Variants in ABCB8 observed in about 807,000 individuals in gnomAD.
The protein encoded by ABCB8 is mitochondrial potassium channel ATP-binding subunit.
A neutral mutation model predicts 73.0 loss-of-function variants in ABCB8; 52 were observed. The observed-to-expected ratio is 0.71, with a 90% CI of 0.57 to 0.90. The LOEUF (loss-of-function observed/expected upper bound fraction) is 0.90. Among genes scored for constraint, ABCB8 ranks in the 40% least tolerant of loss-of-function variants. The probability of loss-of-function intolerance (pLI) is 0.00; values close to 1 mark genes in which losing one functional copy is unlikely to be tolerated. For missense variants in ABCB8, 909 were observed against 974.6 expected, an observed-to-expected ratio of 0.93 and a Z score of 0.90; for synonymous variants, 428 against 423.5, an observed-to-expected ratio of 1.01 and a Z score of -0.13.
Position 151,031,217 on chromosome 7 carries a change from A to G in ABCB8, c.96-2388A>G, listed in dbSNP as rs529351904. 189 of 1,426,270 alleles carry G rather than the reference A, an allele frequency of 1.3e-4. No individual in the cohort carries two copies. The South Asian group carries it at 2.2e-3, about 17-fold the overall frequency. The allele number at this position is 1,426,270 out of a possible 1,614,324, so 88.4% of individuals were successfully genotyped here. Reference sequence around the variant, plus strand: ...TACCGGAGTTCTGCCAGTGCTGTCTAAGATATAATTTCCTGCCTTTCAGAA... The same window carrying G: ...TACCGGAGTTCTGCCAGTGCTGTCTGAGATATAATTTCCTGCCTTTCAGAA... On this transcript the variant is annotated intron_variant, in intron 1 of 15. Coordinates refer to ENST00000358849, the MANE Select transcript of ABCB8 (RefSeq NM_007188.5).
At chr7:151,033,983 T>A in intron 2 of ABCB8, 66 bp downstream of exon 2, 1 of 1,492,020 alleles carries the variant, frequency 6.7e-7, no homozygotes, top group Non-Finnish European at 8.9e-7. Context: ...AGGGATGGCA[T>A]TCCTGCCTCG....
At chr7:151,045,153 G>T in intron 15 of ABCB8, 56 bp from the exon 16 acceptor site, 2 of 1,483,108 alleles carry the variant, frequency 1.3e-6, no homozygotes, top group Non-Finnish European at 1.8e-6. Context: ...CTCTCTGAGG[G>T]TTCTGAAGCC....
intron 1 of ABCB8, among the ~76,000 whole-genome samples, chr7:151,032,488 G>A (rs1796190021): frequency 6.6e-6 from 1 of 152,190 alleles, no homozygotes; most frequent in Admixed American, 6.5e-5. Flanking sequence ...GAGGTCAGGA[G>A]TTCAAGACCA....
intron 1 of ABCB8, chr7:151,033,394 G>T: frequency 2.2e-6 from 3 of 1,391,466 alleles, no homozygotes; most frequent in South Asian, 3.5e-5. Context: ...ACTAGATTTT[G>T]TGCTCAGTGC....
chr7:151,033,229 C>G (rs889764137), intron 1 of ABCB8: 1 of 414,746 alleles, frequency 2.4e-6, no homozygotes, highest in Non-Finnish European at 4.5e-6. Flanking sequence ...GTCCCTTAAA[C>G]CCCCGGCCCC....
chr7:151,036,357 C>T (rs960767748), intron 8 of ABCB8, among the ~76,000 whole-genome samples, 187 bp downstream of exon 8: 10 of 152,210 alleles, frequency 6.6e-5, no homozygotes, highest in African/African-American at 2.2e-4. Context: ...CCATGTGGAA[C>T]GCTACAGGGC....
chr7:151,033,960 C>T (rs1441962943), intron 2 of ABCB8, 43 bp downstream of exon 2: 3 of 1,525,324 alleles, frequency 2.0e-6, no homozygotes, highest in Non-Finnish European at 2.6e-6. Flanking sequence ...CAGGGCAGGA[C>T]CCAGAGCTGC....
intron 13 of ABCB8, 57 bp downstream of exon 13, chr7:151,041,289 G>A: frequency 2.0e-6 from 3 of 1,537,762 alleles, no homozygotes; most frequent in Non-Finnish European, 2.6e-6. Flanking sequence ...CCTGGGCCCT[G>A]CCCCCTTAGT....
chr7:151,034,694 C>A, intron 4 of ABCB8, 30 bp from the exon 5 acceptor site: 1 of 1,610,192 alleles, frequency 6.2e-7, no homozygotes, highest in South Asian at 1.1e-5. Context: ...CCCTCTTCTG[C>A]CCTCCTTATT....
chr7:151,036,506 C>T, intron 8 of ABCB8, 38 bp from the exon 9 acceptor site: 1 of 1,562,482 alleles, frequency 6.4e-7, no homozygotes, highest in Non-Finnish European at 8.8e-7. Context: ...GTTTCCTCTG[C>T]CCTGGCTTCG....
At position 151,047,534 on chromosome 7, in the gene ABCB8, CT is replaced by C. The variant is rs1257113143; in HGVS notation, c.*2186del. 6.6e-6 allele frequency: 1 copy of C among 152,270 alleles called. No homozygotes were observed. Among genetic ancestry groups the C allele is most frequent in the Admixed American group, 6.5e-5 (1 of 15,286 alleles). The allele number at this position is 152,270 out of a possible 1,614,324, so 9.4% of individuals were successfully genotyped here. Reference sequence around the variant, plus strand: ...CCACGATGGGGAATGAGGACAGTCCCTGCCCCCATGAAGCTTGTGTCCTGTT... The same window carrying C: ...CCACGATGGGGAATGAGGACAGTCCCGCCCCCATGAAGCTTGTGTCCTGTT... On this transcript the variant is annotated 3_prime_UTR_variant, in exon 16 of 16. Coordinates refer to ENST00000358849, the MANE Select transcript of ABCB8 (RefSeq NM_007188.5).
chr7:151,028,829 A>G, intron 1 of ABCB8: 1 of 1,555,992 alleles, frequency 6.4e-7, no homozygotes, highest in South Asian at 1.2e-5. Flanking sequence ...GCCGCGTGTC[A>G]GCCAGAAGGA....
In ABCB8 at chr7:151,033,713, C is replaced by T. The variant is rs1311639662; in HGVS notation, c.204C>T (p.Pro68=). The change falls in exon 2 of 16, where the codon CCC becomes CCT. Residue 68 remains proline, a synonymous_variant. Coordinates refer to ENST00000358849, the MANE Select transcript of ABCB8 (RefSeq NM_007188.5). ...PRAPLAPRWS[P]SAWCWVGGAL... ...CCCCCCTAGCTCCCAGATGGAGCCC[C>T]TCTGCCTGGTGCTGGGTTGGGGGAG... 3 of 1,613,894 alleles carry T rather than the reference C, an allele frequency of 1.9e-6. No homozygotes were observed. Among genetic ancestry groups the T allele is most frequent in the East Asian group, 2.2e-5 (1 of 44,890 alleles).
chr7:151,035,377 G>GC (rs1381954639), intron 5 of ABCB8, among the ~76,000 whole-genome samples: 2 of 152,174 alleles, frequency 1.3e-5, no homozygotes, highest in African/African-American at 4.8e-5. Context: ...TTCTCGCTCG[G>GC]CCCCCTCAGG....
Position 151,041,139 on chromosome 7 carries a change from C to T in ABCB8, c.1524C>T (p.Asp508=). Residue 508 remains aspartate (D), a synonymous_variant, in exon 13 of 16, where the codon GAC becomes GAT. Transcript: ENST00000358849. ...TVASLLERFY[D]PTAGVVMLDG... is the part of the protein sequence containing the mutation. ...CTTCCCTGCTGGAGCGCTTCTACGA[C>T]CCCACGGCAGGCGTGGTGATGCTGG... 1 of 1,613,038 alleles carries T rather than the reference C, an allele frequency of 6.2e-7. No individual in the cohort carries two copies. Among genetic ancestry groups the T allele is most frequent in the Non-Finnish European group, 8.5e-7 (1 of 1,180,008 alleles).
intron 2 of ABCB8, among the ~76,000 whole-genome samples, 170 bp downstream of exon 2, chr7:151,034,087 G>T (rs1388278936): frequency 6.6e-6 from 1 of 152,180 alleles, no homozygotes; most frequent in East Asian, 1.9e-4. Flanking sequence ...GGGTGGGCAG[G>T]GTTCCGTGGG....
In ABCB8 at chr7:151,037,565, T is replaced by C. The variant is rs1400351194; in HGVS notation, c.1217+916T>C. ...AAATATGTTATGGTAAATAATGAGA[T>C]AGTAAATATGCTGTAACAGATCATC... On this transcript the variant is annotated intron_variant, in intron 9 of 15. Transcript: ENST00000358849. The C allele has an allele frequency of 5.6e-6, 3 of 537,098 alleles. No homozygotes were observed. In the African/African-American group the frequency reaches 5.7e-5, roughly 10 times the overall value. 33.3% of individuals were successfully genotyped at this position (537,098 alleles called of 1,614,324 possible). A position where few individuals can be genotyped will look rare whatever the true frequency, so the allele number is the denominator to read the frequency against.
rs186763292 is a variant in ABCB8, at chr7:151,043,473, G to T, written c.1766-498G>T. Among the ~76,000 whole-genome samples, 141 of 142,950 alleles carry T rather than the reference G, an allele frequency of 9.9e-4. 1 individual carries two copies. The highest frequency in any genetic ancestry group is 3.7e-3 in the African/African-American group (137 of 37,404). 93.8% of individuals were successfully genotyped at this position (142,950 alleles called of 152,430 possible). On this transcript the variant is annotated intron_variant, in intron 14 of 15. Coordinates refer to ENST00000358849, the MANE Select transcript of ABCB8 (RefSeq NM_007188.5). ...ACAGGACTAGGGTGCACAGTGCGGG[G>T]TGGAGGGTCAGAGACAGGACTAGGG...
intron 5 of ABCB8, among the ~76,000 whole-genome samples, chr7:151,035,375 C>T (rs1456637309): frequency 4.6e-5 from 7 of 152,200 alleles, no homozygotes; most frequent in Admixed American, 3.3e-4. Flanking sequence ...CATTCTCGCT[C>T]GGCCCCCTCA....
Sources: gnomAD v4.1 joint callset for allele counts (sites outside exome capture counted in the v4.1 genomes callset) on GRCh38, gnomAD v4.1.1 for gene constraint, MANE v1.5 for transcripts, NCBI Gene and HGNC (gene_info 2026-07-23, HGNC 2026-07-21) for gene names.